Variants in RBM4B observed in about 807,000 individuals in gnomAD.
RBM4B encodes the protein RNA binding motif protein 4B.
A neutral mutation model predicts 28.5 loss-of-function variants in RBM4B; 13 were observed. The ratio of observed to expected loss-of-function variants is 0.46; its 90% CI spans 0.30 to 0.72. The LOEUF (loss-of-function observed/expected upper bound fraction) is 0.72, where lower values mean the gene tolerates loss of function less well. Ranked by LOEUF, RBM4B falls within the 30% of genes least tolerant of loss-of-function variation. RBM4B has a pLI of 0.09. For missense variants in RBM4B, 387 were observed against 477.6 expected, an observed-to-expected ratio of 0.81 and a Z score of 1.77; for synonymous variants, 167 against 179.1, an observed-to-expected ratio of 0.93 and a Z score of 0.54.
chr11:66,675,542 C>T (rs1939608811), intron 2 of RBM4B: 1 of 152,212 alleles, frequency 6.6e-6, no homozygotes, highest in East Asian at 1.9e-4. Flanking sequence ...TTTTCCTCTT[C>T]TCCCATTATT....
intron 1 of RBM4B, chr11:66,677,375 T>C (rs1939673960): frequency 4.2e-6 from 2 of 472,104 alleles, no homozygotes; most frequent in South Asian, 5.4e-5. Context: ...TGTCTTAAAA[T>C]GAGGGAAGAG....
chr11:66,666,456 A>G (rs1018015052), intron 3 of RBM4B: 17 of 987,484 alleles, frequency 1.7e-5, no homozygotes, highest in African/African-American at 3.5e-5. Flanking sequence ...TGGGACTGCA[A>G]CCAACTCAGG....
intron 2 of RBM4B, chr11:66,676,311 T>C (rs1939633478): frequency 2.4e-6 from 1 of 424,244 alleles, no homozygotes; most frequent in Non-Finnish European, 4.2e-6. Context: ...TTCCTGATCA[T>C]CACCAAAGAA....
At position 66,665,059 on chromosome 11, in the gene RBM4B, A is replaced by G. The variant is rs916820791; in HGVS notation, c.*529T>C. The stretch of plus-strand genomic sequence containing the variant: ...TTTTAAAAAAGGGAGGAGTGGAGTA[A>G]AACAAGGGTAAATTTCAGCTAATGC... On this transcript the variant is annotated 3_prime_UTR_variant, in exon 4 of 4. Coordinates refer to ENST00000310046, the MANE Select transcript of RBM4B (RefSeq NM_031492.4). 6.5e-6 allele frequency: 1 copy of G among 152,742 alleles called. No individual in the cohort carries two copies. The highest frequency in any genetic ancestry group is 1.5e-5 in the Non-Finnish European group (1 of 68,422). The allele number at this position is 152,742 out of a possible 1,614,324, so 9.5% of individuals were successfully genotyped here.
At chr11:66,673,393 C>G (rs1183085018) in intron 2 of RBM4B, among the ~76,000 whole-genome samples, 5 of 152,162 alleles carry the variant, frequency 3.3e-5, no homozygotes, top group Non-Finnish European at 5.9e-5. Flanking sequence ...TCATACAATG[C>G]AAAAAGCCTC....
In RBM4B at chr11:66,676,987, A is replaced by G; in HGVS notation, c.93T>C (p.Cys31=). ...LFEQYGKVLE[C]DIIKNYGFVH... The stretch of plus-strand genomic sequence containing the variant: ...CAAAGCCGTAATTCTTAATGATGTC[A>G]CATTCCAGCACCTTCCCATACTGCT... Residue 31 remains cysteine (C), a synonymous_variant, in exon 2 of 4, where the codon TGT becomes TGC. Transcript: ENST00000310046. 1.2e-6 allele frequency: 2 copies of G among 1,614,052 alleles called. No homozygotes were observed. Among genetic ancestry groups the G allele is most frequent in the Non-Finnish European group, 1.7e-6 (2 of 1,179,998 alleles).
At position 66,677,754 on chromosome 11, in the gene RBM4B, C is replaced by G. The variant is rs1233247123; in HGVS notation, c.-13+10G>C. 1 of 152,764 alleles carries G rather than the reference C, an allele frequency of 6.5e-6. No individual in the cohort carries two copies. Among genetic ancestry groups the G allele is most frequent in the Admixed American group, 6.5e-5 (1 of 15,298 alleles). The allele number at this position is 152,764 out of a possible 1,614,324, so 9.5% of individuals were successfully genotyped here. ...GCTCCCCACATCACACACACACGAC[C>G]CCCTCGCACCTCCGGGTGGCGGCAG... On this transcript the variant is annotated intron_variant, in intron 1 of 3. Transcript: ENST00000310046.
chr11:66,669,840 C>T (rs1565093907), intron 2 of RBM4B, among the ~76,000 whole-genome samples: 1 of 152,230 alleles, frequency 6.6e-6, no homozygotes, highest in African/African-American at 2.4e-5. Flanking sequence ...GACCAGACTC[C>T]CTCCTGTTTC....
intron 3 of RBM4B, 28 bp downstream of exon 3, chr11:66,668,587 C>A: frequency 1.3e-6 from 2 of 1,549,990 alleles, no homozygotes; most frequent in African/African-American, 1.4e-5. Flanking sequence ...TAAATGGAAT[C>A]TTTTAACCAT....
At chr11:66,674,072 T>C (rs186232373) in intron 2 of RBM4B, among the ~76,000 whole-genome samples, 62 of 152,240 alleles carry the variant, frequency 4.1e-4, no homozygotes, top group African/African-American at 1.4e-3. Flanking sequence ...AAAAATCTTA[T>C]GGATCCACTG....
rs1341671472 is a variant in RBM4B, at chr11:66,669,016, C to G, written c.688G>C (p.Glu230Gln). 1 of 1,614,116 alleles carries G rather than the reference C, an allele frequency of 6.2e-7. No homozygotes were observed. The highest frequency in any genetic ancestry group is 8.5e-7 in the Non-Finnish European group (1 of 1,180,058). ...YYKRYRVRSY[E>Q]AVAAAAAASA... ...GCCGCTGCCGCCGCTGCTACTGCCT[C>G]ATAAGAGCGGACCCGGTATCGCTTA... The change falls in exon 3 of 4, where the codon GAG (glutamate) becomes CAG (glutamine). Residue 230 changes from glutamate to glutamine, a missense_variant. Glu to Gln is a conservative substitution (Grantham distance 29). This residue lies in a region of RBM4B where 226 missense variants were observed against 220.6 expected (regional missense o/e 1.02). Transcript: ENST00000310046.
chr11:66,671,782 C>A (rs992567824), intron 2 of RBM4B, among the ~76,000 whole-genome samples: 7 of 152,078 alleles, frequency 4.6e-5, no homozygotes, highest in African/African-American at 1.4e-4. Flanking sequence ...GCTCTGTCGC[C>A]CAGGCTGGAG....
intron 2 of RBM4B, 66 bp from the exon 3 acceptor site, chr11:66,669,357 A>C (rs645750): frequency 6.9e-7 from 1 of 1,450,990 alleles, no homozygotes; most frequent in Non-Finnish European, 9.5e-7. Context: ...TCTCCTCCCC[A>C]AATGAAAGTA....
intron 2 of RBM4B, among the ~76,000 whole-genome samples, chr11:66,670,330 T>C (rs188662284): frequency 6.7e-6 from 1 of 149,282 alleles, no homozygotes; most frequent in African/African-American, 2.5e-5. Flanking sequence ...TTAGGGACAG[T>C]GTCTTGACAT....
intron 2 of RBM4B, chr11:66,676,079 G>T (rs1939627162): frequency 6.5e-6 from 1 of 152,976 alleles, no homozygotes; most frequent in Non-Finnish European, 1.5e-5. Flanking sequence ...AGGGTGAAAT[G>T]AACAGGTGGA....
At chr11:66,665,673 G>A (rs1169265971) in intron 3 of RBM4B, 95 bp from the exon 4 acceptor site, 6 of 1,513,086 alleles carry the variant, frequency 4.0e-6, no homozygotes, top group Non-Finnish European at 5.3e-6. Context: ...GTATTCCGGG[G>A]GGAAAAAAAA....
chr11:66,677,277 A>C, intron 1 of RBM4B, 186 bp from the exon 2 acceptor site: 3 of 708,266 alleles, frequency 4.2e-6, no homozygotes, highest in South Asian at 2.0e-5. Context: ...CGTGACATGC[A>C]AACAGGAGGT....
chr11:66,668,116 A>C (rs1399900906), intron 3 of RBM4B: 1 of 160,176 alleles, frequency 6.2e-6, no homozygotes, highest in Non-Finnish European at 1.4e-5. Flanking sequence ...CCACTACAGT[A>C]CTTCTGTAGT....
chr11:66,666,291 T>C, intron 3 of RBM4B: 1 of 1,085,684 alleles, frequency 9.2e-7, no homozygotes, highest in Non-Finnish European at 1.1e-6. Context: ...CTCTACTTAT[T>C]ACAGACAAAG....
Sources: allele counts gnomAD v4.1 joint callset (sites outside exome capture counted in the v4.1 genomes callset), GRCh38; gene constraint gnomAD v4.1.1; regional missense constraint gnomAD v4.1.1; transcripts MANE v1.5; gene names NCBI Gene and HGNC (gene_info 2026-07-23, HGNC 2026-07-21).